The following FSTL5 variants were observed in gnomAD, a reference collection of about 807,000 sequenced individuals.
The protein encoded by FSTL5 is follistatin-related protein 5.
In FSTL5, 62 loss-of-function variants were observed where a neutral mutation model predicts 89.1. That is an observed-to-expected ratio of 0.70 (90% CI 0.57 to 0.86). FSTL5 has a LOEUF of 0.86. FSTL5 is among the 40% of genes least tolerant of loss of function. FSTL5 has a pLI of 0.00. For synonymous variants in FSTL5, 383 were observed against 346.2 expected, an observed-to-expected ratio of 1.11 and a Z score of -1.18; for missense variants, 1,057 against 1,001.6, an observed-to-expected ratio of 1.06 and a Z score of -0.75.
intron 15 of FSTL5, among the ~76,000 whole-genome samples, chr4:161,405,922 T>G (rs62325020): frequency 0.16 from 24,446 of 152,098 alleles, 2,220 homozygotes; most frequent in South Asian, 0.23. Context: ...AAGAATTCCA[T>G]ATCTCACAAA....
At chr4:162,033,252 CTAAA>C (rs1333050760) in intron 3 of FSTL5, among the ~76,000 whole-genome samples, 1 of 152,046 alleles carries the variant, frequency 6.6e-6, no homozygotes, top group African/African-American at 2.4e-5. Flanking sequence ...ATGGCAGTGA[CTAAA>C]TAGTTGGGTC....
chr4:161,638,406 G>A (rs28813747), intron 7 of FSTL5, among the ~76,000 whole-genome samples: 10,608 of 152,142 alleles, frequency 0.07, 1,200 homozygotes, highest in African/African-American at 0.24. Flanking sequence ...CATGTCGTCT[G>A]CAAACAGGGA....
At chr4:162,127,963 G>T (rs1288962175) in intron 1 of FSTL5, among the ~76,000 whole-genome samples, 1 of 152,082 alleles carries the variant, frequency 6.6e-6, no homozygotes, top group East Asian at 1.9e-4. Flanking sequence ...CTTTTTAAAA[G>T]AAATCCCACC....
Position 161,500,192 on chromosome 4 carries a change from C to G in FSTL5, c.1340-58G>C, listed in dbSNP as rs1393155157. ...ATATAATTATCATAAACCTTTACAA[C>G]CAAAATTCAGTGCCTCTCATATCTT... On this transcript the variant is annotated intron_variant, in intron 11 of 15. Transcript: ENST00000306100. The G allele has an allele frequency of 6.8e-6, 8 of 1,173,082 alleles. No individual in the cohort carries two copies. In the East Asian group the frequency reaches 2.0e-4, roughly 30 times the overall value. 72.7% of individuals were successfully genotyped at this position (1,173,082 alleles called of 1,614,324 possible). A position where few individuals can be genotyped will look rare whatever the true frequency, so the allele number is the denominator to read the frequency against.
chr4:161,961,117 C>A (rs1381766606), intron 3 of FSTL5, among the ~76,000 whole-genome samples: 1 of 151,790 alleles, frequency 6.6e-6, no homozygotes, highest in Non-Finnish European at 1.5e-5. Context: ...TTATATCTTT[C>A]TTTCTTTCTT....
chr4:161,701,679 G>T (rs1375970077), intron 6 of FSTL5, among the ~76,000 whole-genome samples: 1 of 151,946 alleles, frequency 6.6e-6, no homozygotes, highest in African/African-American at 2.4e-5. Context: ...CTAAGCAAAT[G>T]CTCCTTGCTA....
chr4:161,885,259 T>A (rs1263334196), intron 4 of FSTL5, among the ~76,000 whole-genome samples: 3 of 152,124 alleles, frequency 2.0e-5, no homozygotes, highest in Non-Finnish European at 2.9e-5. Flanking sequence ...TTACATAAAC[T>A]GGAGTACGAG....
At chr4:161,544,285 C>T (rs773510152) in intron 8 of FSTL5, among the ~76,000 whole-genome samples, 18 of 151,954 alleles carry the variant, frequency 1.2e-4, no homozygotes, top group Admixed American at 2.6e-4. Flanking sequence ...GGAACTCTTG[C>T]ACATTGCTGG....
At chr4:162,050,544 C>A (rs1222122698) in intron 2 of FSTL5, among the ~76,000 whole-genome samples, 1 of 149,570 alleles carries the variant, frequency 6.7e-6, no homozygotes, top group Non-Finnish European at 1.5e-5. Context: ...AGTATTTAAT[C>A]ATTAATAACC....
At chr4:161,816,756 G>T (rs1730337337) in intron 4 of FSTL5, among the ~76,000 whole-genome samples, 1 of 152,112 alleles carries the variant, frequency 6.6e-6, no homozygotes, top group African/African-American at 2.4e-5. Context: ...TAAAGCCTGG[G>T]ACAAGAGTCA....
chr4:162,160,689 T>G (rs1240927562), intron 1 of FSTL5, among the ~76,000 whole-genome samples: 4 of 151,838 alleles, frequency 2.6e-5, no homozygotes, highest in African/African-American at 9.7e-5. Flanking sequence ...CAAAGAAAAC[T>G]ATCCAAATTA....
intron 3 of FSTL5, among the ~76,000 whole-genome samples, chr4:161,953,518 G>C (rs1734953536): frequency 6.6e-6 from 1 of 151,478 alleles, no homozygotes; most frequent in South Asian, 2.1e-4. Flanking sequence ...TACTTTATAG[G>C]TTGTATGCAA....
At chr4:161,482,039 G>C (rs993438621) in intron 12 of FSTL5, among the ~76,000 whole-genome samples, 4 of 152,218 alleles carry the variant, frequency 2.6e-5, no homozygotes, top group African/African-American at 9.6e-5. Context: ...TGTATGTGCA[G>C]GCCGGGCGTG....
intron 8 of FSTL5, among the ~76,000 whole-genome samples, chr4:161,553,070 T>C (rs1732269288): frequency 6.6e-6 from 1 of 151,750 alleles, no homozygotes; most frequent in African/African-American, 2.4e-5. Context: ...CATGAAAAGC[T>C]TTAAATAGGC....
intron 2 of FSTL5, among the ~76,000 whole-genome samples, chr4:162,072,358 TTCCAG>T (rs1729661806): frequency 6.6e-6 from 1 of 151,778 alleles, no homozygotes; most frequent in Non-Finnish European, 1.5e-5. Flanking sequence ...TTTGTTATTC[TTCCAG>T]ACTATAAAGG....
At chr4:161,967,115 TACA>T (rs1339026247) in intron 3 of FSTL5, among the ~76,000 whole-genome samples, 2 of 152,004 alleles carry the variant, frequency 1.3e-5, no homozygotes, top group Non-Finnish European at 2.9e-5. Flanking sequence ...AATAAAATTT[TACA>T]ACGTTACTCA....
chr4:161,585,895 A>G (rs1733598278), intron 8 of FSTL5, among the ~76,000 whole-genome samples: 1 of 152,216 alleles, frequency 6.6e-6, no homozygotes, highest in South Asian at 2.1e-4. Context: ...TGGAAACACC[A>G]TGAATCAACT....
intron 1 of FSTL5, among the ~76,000 whole-genome samples, chr4:162,131,919 A>G (rs1213884267): frequency 6.6e-6 from 1 of 152,232 alleles, no homozygotes; most frequent in East Asian, 1.9e-4. Context: ...CAGACCAAAG[A>G]TATTCTGATT....
Position 161,823,377 on chromosome 4 carries a change from G to A in FSTL5, c.410-47303C>T, listed in dbSNP as rs76447835. Among the ~76,000 whole-genome samples, 43 of 152,222 alleles carry A rather than the reference G, an allele frequency of 2.8e-4. 1 individual carries two copies. Among genetic ancestry groups the A allele is most frequent in the Middle Eastern group, 3.4e-3 (1 of 294 alleles). ...CAGAGCCCCCTGGCCTCCCTCCCTC[G>A]TCAATGCCAAAAGTTTCAGAGGGGA... On this transcript the variant is annotated intron_variant, in intron 4 of 15. Coordinates refer to ENST00000306100, the MANE Select transcript of FSTL5 (RefSeq NM_020116.5).
Sources: gnomAD v4.1 joint callset for allele counts (sites outside exome capture counted in the v4.1 genomes callset) on GRCh38, gnomAD v4.1.1 for gene constraint, MANE v1.5 for transcripts, NCBI Gene and HGNC (gene_info 2026-07-23, HGNC 2026-07-21) for gene names.